CSMD1: variants seen among roughly 807,000 people sequenced by gnomAD.
CSMD1 encodes CUB and Sushi multiple domains 1, also known as CUB and sushi domain-containing protein 1.
CSMD1 carries 213 observed loss-of-function variants against 417.5 expected under a neutral mutation model. That is an observed-to-expected ratio of 0.51 (90% CI 0.46 to 0.57). The LOEUF is 0.57. CSMD1 is among the 20% of genes least tolerant of loss of function. The probability of loss-of-function intolerance (pLI) is 0.00; values close to 1 mark genes in which losing one functional copy is unlikely to be tolerated. For missense variants in CSMD1, 6,923 were observed against 4,529.7 expected (o/e 1.53, Z -15.17); for synonymous variants, 2,862 against 1,736.8 (o/e 1.65, Z -16.11).
At chr8:4,341,842 G>T (rs952559422) in intron 3 of CSMD1, among the ~76,000 whole-genome samples, 1 of 152,018 alleles carries the variant, frequency 6.6e-6, no homozygotes, top group African/African-American at 2.4e-5. Flanking sequence ...ATAACAGAAG[G>T]ATGCTTCACC....
chr8:3,463,166 C>CT (rs1232070180), intron 12 of CSMD1, among the ~76,000 whole-genome samples: 1 of 152,228 alleles, frequency 6.6e-6, no homozygotes, highest in African/African-American at 2.4e-5. Context: ...AATGAACTAA[C>CT]TGTGCACCTG....
At position 3,680,850 on chromosome 8, in the gene CSMD1, G is replaced by A. The variant is rs564892718; in HGVS notation, c.1009+27564C>T. On this transcript the variant is annotated intron_variant, in intron 7 of 69. Coordinates refer to ENST00000635120, the MANE Select transcript of CSMD1 (RefSeq NM_033225.6). ...AAAAGCTTATCCACCATGATCAAGTGGGCTTCATCCCTGGGATGCAAGGCT... is the reference window on the plus strand; with the variant it reads ...AAAAGCTTATCCACCATGATCAAGTAGGCTTCATCCCTGGGATGCAAGGCT... Among the ~76,000 whole-genome samples, 1,235 of 152,200 alleles carry A rather than the reference G, an allele frequency of 8.1e-3. 14 individuals carry two copies. Among genetic ancestry groups the A allele is most frequent in the African/African-American group, 0.028 (1,167 of 41,518 alleles).
At chr8:3,380,777 A>T (rs781229992) in intron 18 of CSMD1, among the ~76,000 whole-genome samples, 1 of 152,132 alleles carries the variant, frequency 6.6e-6, no homozygotes, top group African/African-American at 2.4e-5. Flanking sequence ...GCATTAGAAG[A>T]AATACCTAAT....
At chr8:3,857,871 C>G (rs141947346) in intron 5 of CSMD1, among the ~76,000 whole-genome samples, 2 of 152,186 alleles carry the variant, frequency 1.3e-5, no homozygotes, top group South Asian at 4.1e-4. Context: ...TGAGAGATTA[C>G]GTGATATGTA....
intron 11 of CSMD1, among the ~76,000 whole-genome samples, chr8:3,479,943 A>T (rs1817640741): frequency 6.6e-6 from 1 of 152,240 alleles, no homozygotes; most frequent in South Asian, 2.1e-4. Flanking sequence ...AAATAACAGA[A>T]GAGAAAACTA....
At chr8:4,048,953 T>C (rs1341487557) in intron 3 of CSMD1, among the ~76,000 whole-genome samples, 1 of 152,144 alleles carries the variant, frequency 6.6e-6, no homozygotes, top group Non-Finnish European at 1.5e-5. Flanking sequence ...CTACTATAAA[T>C]CTATCGTATA....
intron 6 of CSMD1, among the ~76,000 whole-genome samples, chr8:3,714,204 C>T (rs978926094): frequency 6.6e-6 from 1 of 150,408 alleles, no homozygotes; most frequent in South Asian, 2.1e-4. Context: ...CCATATATAA[C>T]ATATAAATGA....
At chr8:4,398,752 T>G (rs1804443292) in intron 3 of CSMD1, among the ~76,000 whole-genome samples, 1 of 152,194 alleles carries the variant, frequency 6.6e-6, no homozygotes, top group Non-Finnish European at 1.5e-5. Context: ...ATCAATTAGT[T>G]TCTCATTTAT....
At chr8:3,838,486 T>C (rs962378738) in intron 5 of CSMD1, among the ~76,000 whole-genome samples, 2 of 144,696 alleles carry the variant, frequency 1.4e-5, no homozygotes, top group African/African-American at 2.5e-5. Flanking sequence ...ATATAGCCTA[T>C]AGATATATAG....
intron 3 of CSMD1, among the ~76,000 whole-genome samples, chr8:4,231,322 C>G (rs934154874): frequency 6.6e-6 from 1 of 152,168 alleles, no homozygotes; most frequent in African/African-American, 2.4e-5. Context: ...ATGGGTCCAA[C>G]CTCACATATG....
At chr8:3,520,039 T>A (rs551886883) in intron 10 of CSMD1, among the ~76,000 whole-genome samples, 1 of 147,110 alleles carries the variant, frequency 6.8e-6, no homozygotes, top group Non-Finnish European at 1.5e-5. Context: ...TATATATATA[T>A]ACACGTATAG....
intron 3 of CSMD1, among the ~76,000 whole-genome samples, chr8:4,349,820 C>CT (rs35007995): frequency 0.025 from 3,438 of 139,378 alleles, 78 homozygotes; most frequent in African/African-American, 0.055. Context: ...ATGATATGAC[C>CT]TTTTTTTTTT....
At chr8:3,625,849 G>A (rs1297288364) in intron 7 of CSMD1, among the ~76,000 whole-genome samples, 3 of 152,048 alleles carry the variant, frequency 2.0e-5, no homozygotes, top group Admixed American at 2.0e-4. Flanking sequence ...GGAAAAACAA[G>A]TAGATTTTTC....
chr8:4,043,115 A>G (rs1797977705), intron 3 of CSMD1, among the ~76,000 whole-genome samples: 1 of 152,128 alleles, frequency 6.6e-6, no homozygotes, highest in South Asian at 2.1e-4. Context: ...CCTGGGTGAG[A>G]CAGTGAGACT....
At chr8:4,186,508 T>A in intron 3 of CSMD1, among the ~76,000 whole-genome samples, 1 of 152,190 alleles carries the variant, frequency 6.6e-6, no homozygotes. Flanking sequence ...GGAATTTAAT[T>A]ACTTATTTTG....
chr8:4,552,487 A>G lies in CSMD1; in HGVS notation c.302+84855T>C, dbSNP rs1797917322. ...CCAAGAACAGATTTATTGGGTGGGA[A>G]ATTTCTGCCCAGATATATGCAGAAC... On this transcript the variant is annotated intron_variant, in intron 2 of 69. Transcript: ENST00000635120. 1.3e-5 allele frequency among the ~76,000 whole-genome samples: 2 copies of G among 152,140 alleles called. 1 individual carries two copies. Among genetic ancestry groups the G allele is most frequent in the South Asian group, 4.1e-4 (2 of 4,834 alleles).
chr8:4,187,518 C>T (rs1383975678), intron 3 of CSMD1, among the ~76,000 whole-genome samples: 4 of 151,956 alleles, frequency 2.6e-5, no homozygotes, highest in Non-Finnish European at 5.9e-5. Context: ...GTGGCACATG[C>T]CTGTAATCCC....
intron 7 of CSMD1, among the ~76,000 whole-genome samples, chr8:3,696,913 C>G (rs181181132): frequency 1.5e-3 from 231 of 152,240 alleles, no homozygotes; most frequent in Non-Finnish European, 2.5e-3. Context: ...AAAGAGAACA[C>G]TTTATCAGTC....
At chr8:3,253,124 G>A (rs1016507640) in intron 26 of CSMD1, among the ~76,000 whole-genome samples, 1 of 151,968 alleles carries the variant, frequency 6.6e-6, no homozygotes, top group Non-Finnish European at 1.5e-5. Flanking sequence ...TGATGCTAGG[G>A]TGTCAATTTT....
Sources: gnomAD v4.1 joint callset for allele counts (sites outside exome capture counted in the v4.1 genomes callset) on GRCh38, gnomAD v4.1.1 for gene constraint, MANE v1.5 for transcripts, NCBI Gene and HGNC (gene_info 2026-07-23, HGNC 2026-07-21) for gene names.